SEMA3A: variants seen among roughly 807,000 people sequenced by gnomAD.
SEMA3A encodes semaphorin-3A.
Under a neutral mutation model 97.9 loss-of-function variants are expected in SEMA3A, and 29 were observed. That is an observed-to-expected ratio of 0.30 (90% CI 0.22 to 0.40). SEMA3A has a LOEUF of 0.40. Among genes scored for constraint, SEMA3A ranks in the 10% least tolerant of loss-of-function variants. The pLI, the probability that SEMA3A is intolerant of heterozygous loss-of-function variation, is 1.00. For synonymous variants in SEMA3A, 321 were observed against 323.7 expected (o/e 0.99, Z 0.09); for missense variants, 763 against 951.3 (o/e 0.80, Z 2.60).
At chr7:84,397,205 T>C (rs1243292983) in intron 1 of SEMA3A, among the ~76,000 whole-genome samples, 2 of 151,888 alleles carry the variant, frequency 1.3e-5, no homozygotes, top group East Asian at 3.9e-4. Flanking sequence ...ATCATGTCTA[T>C]GACTTTAATT....
intron 1 of SEMA3A, among the ~76,000 whole-genome samples, chr7:84,396,064 A>G (rs1246954916): frequency 2.6e-5 from 4 of 152,124 alleles, no homozygotes; most frequent in Non-Finnish European, 5.9e-5. Flanking sequence ...AAAATATCAA[A>G]TACTGGTTAT....
intron 4 of SEMA3A, among the ~76,000 whole-genome samples, chr7:84,062,417 C>A (rs1229346930): frequency 1.3e-5 from 2 of 152,126 alleles, no homozygotes; most frequent in African/African-American, 4.8e-5. Flanking sequence ...ATAGGAGGAG[C>A]CAAGATGGCC....
intron 3 of SEMA3A, among the ~76,000 whole-genome samples, chr7:84,202,140 T>C (rs1219199020): frequency 6.6e-6 from 1 of 152,148 alleles, no homozygotes; most frequent in Non-Finnish European, 1.5e-5. Flanking sequence ...TGATATTTGA[T>C]ATTTTTGATA....
chr7:84,124,818 C>A (rs922533499), intron 3 of SEMA3A, among the ~76,000 whole-genome samples: 2 of 151,630 alleles, frequency 1.3e-5, no homozygotes, highest in Non-Finnish European at 2.9e-5. Flanking sequence ...CCAATGAATG[C>A]CATGAATCAT....
chr7:83,974,374 T>C lies in SEMA3A; in HGVS notation c.1717+2758A>G, dbSNP rs570507968. Among the ~76,000 whole-genome samples the C allele has an allele frequency of 1.2e-4, 19 of 152,280 alleles. No homozygotes were observed. The South Asian group carries it at 1.5e-3, about 12-fold the overall frequency. On this transcript the variant is annotated intron_variant, in intron 15 of 16. Transcript: ENST00000265362. Reference sequence around the variant, plus strand: ...CACCTTAATTCTGAGTTATTCTGTATATAGTCTCTCTATTAAAACCTCTGG... The same window carrying C: ...CACCTTAATTCTGAGTTATTCTGTACATAGTCTCTCTATTAAAACCTCTGG...
intron 1 of SEMA3A, among the ~76,000 whole-genome samples, chr7:84,167,841 G>A (rs1797260205): frequency 6.6e-6 from 1 of 152,064 alleles, no homozygotes; most frequent in Non-Finnish European, 1.5e-5. Context: ...CCATAATATT[G>A]AGACTAATTT....
At chr7:84,078,950 A>T (rs1169677960) in intron 4 of SEMA3A, among the ~76,000 whole-genome samples, 2 of 152,056 alleles carry the variant, frequency 1.3e-5, no homozygotes, top group South Asian at 4.1e-4. Flanking sequence ...TATCAGCTTA[A>T]TCACCATAGA....
chr7:84,005,217 A>T (rs1790616089), intron 11 of SEMA3A, 122 bp downstream of exon 11: 1 of 693,862 alleles, frequency 1.4e-6, no homozygotes, highest in Admixed American at 2.4e-5. Context: ...AAAGTTAGTT[A>T]TATGTGGATT....
chr7:83,990,687 T>G (rs1789877778), intron 12 of SEMA3A, among the ~76,000 whole-genome samples: 1 of 128,722 alleles, frequency 7.8e-6, no homozygotes. Context: ...TATCTGTGTT[T>G]TGGTACCAGT....
chr7:84,478,267 C>G (rs1430549182), intron 1 of SEMA3A, among the ~76,000 whole-genome samples: 3 of 152,090 alleles, frequency 2.0e-5, no homozygotes, highest in Non-Finnish European at 4.4e-5. Flanking sequence ...TTTCTACCTC[C>G]CCATCCCCAG....
chr7:83,964,527 A>C (rs1788595714), intron 15 of SEMA3A, among the ~76,000 whole-genome samples: 4 of 152,132 alleles, frequency 2.6e-5, no homozygotes. Context: ...TGCTACTCCC[A>C]TACAATCCCT....
chr7:84,241,830 T>G (rs1375611122), intron 3 of SEMA3A, among the ~76,000 whole-genome samples: 1 of 152,184 alleles, frequency 6.6e-6, no homozygotes, highest in African/African-American at 2.4e-5. Flanking sequence ...GGGTTCATTT[T>G]CAGTTTTCTG....
intron 5 of SEMA3A, among the ~76,000 whole-genome samples, chr7:84,052,910 G>A (rs1318757438): frequency 6.6e-6 from 1 of 151,526 alleles, no homozygotes; most frequent in Non-Finnish European, 1.5e-5. Flanking sequence ...CTGGTATGTT[G>A]TGTCTTTGTT....
chr7:84,072,593 A>G (rs1793781686), intron 4 of SEMA3A, among the ~76,000 whole-genome samples: 1 of 152,170 alleles, frequency 6.6e-6, no homozygotes, highest in African/African-American at 2.4e-5. Flanking sequence ...TAAGTCTTTG[A>G]AGCACTAATA....
At chr7:84,240,411 AAG>A (rs1397591048) in intron 3 of SEMA3A, among the ~76,000 whole-genome samples, 1 of 151,888 alleles carries the variant, frequency 6.6e-6, no homozygotes, top group Non-Finnish European at 1.5e-5. Context: ...ATGTCCTTAT[AAG>A]AGAGAGGGCG....
chr7:84,321,499 G>C (rs1801642821), intron 2 of SEMA3A, among the ~76,000 whole-genome samples: 2 of 152,090 alleles, frequency 1.3e-5, no homozygotes, highest in Admixed American at 1.3e-4. Context: ...TAATTGCTCT[G>C]CAACTAACCA....
At chr7:84,123,590 C>CACATGCATGT (rs1307538433) in intron 3 of SEMA3A, among the ~76,000 whole-genome samples, 2 of 150,816 alleles carry the variant, frequency 1.3e-5, no homozygotes, top group Non-Finnish European at 3.0e-5. Context: ...TCATCACCAG[C>CACATGCATGT]ACATGCATGT....
intron 3 of SEMA3A, among the ~76,000 whole-genome samples, chr7:84,294,162 TA>T (rs1800815751): frequency 6.6e-6 from 1 of 152,042 alleles, no homozygotes; most frequent in Admixed American, 6.6e-5. Flanking sequence ...TCTTGCTAGT[TA>T]TTATTTTATT....
At chr7:84,294,077 A>G (rs181935949) in intron 3 of SEMA3A, among the ~76,000 whole-genome samples, 1 of 152,178 alleles carries the variant, frequency 6.6e-6, no homozygotes, top group Admixed American at 6.6e-5. Context: ...CAAAACCACA[A>G]TACTTAACTT....
Sources: allele counts gnomAD v4.1 joint callset (sites outside exome capture counted in the v4.1 genomes callset), GRCh38; gene constraint gnomAD v4.1.1; transcripts MANE v1.5; gene names NCBI Gene and HGNC (gene_info 2026-07-23, HGNC 2026-07-21).